The following NFAT5 variants were observed in gnomAD, a reference collection of about 807,000 sequenced individuals.
NFAT5 encodes nuclear factor of activated T-cells 5.
In NFAT5, 31 loss-of-function variants were observed where a neutral mutation model predicts 166.5. The ratio of observed to expected loss-of-function variants is 0.19; its 90% CI spans 0.14 to 0.25. The LOEUF (loss-of-function observed/expected upper bound fraction) is 0.25. NFAT5 is among the 10% of genes least tolerant of loss of function. The probability of loss-of-function intolerance (pLI) is 1.00; values close to 1 mark genes in which losing one functional copy is unlikely to be tolerated. For synonymous variants in NFAT5, 612 were observed against 639.7 expected (o/e 0.96, Z 0.65); for missense variants, 1,449 against 1,821.8 (o/e 0.80, Z 3.72).
chr16:69,685,060 C>A, intron 11 of NFAT5, 90 bp downstream of exon 11: 3 of 709,174 alleles, frequency 4.2e-6, no homozygotes, highest in Non-Finnish European at 7.1e-6. Context: ...CTCTTAGGTA[C>A]TTATAATACT....
intron 7 of NFAT5, among the ~76,000 whole-genome samples, chr16:69,664,163 A>C (rs2036262714): frequency 6.6e-6 from 1 of 152,222 alleles, no homozygotes; most frequent in South Asian, 2.1e-4. Flanking sequence ...TTTATACTCT[A>C]AAATATTCTG....
intron 3 of NFAT5, among the ~76,000 whole-genome samples, chr16:69,633,506 A>T (rs1246300926): frequency 1.3e-5 from 2 of 152,232 alleles, no homozygotes; most frequent in African/African-American, 4.8e-5. Context: ...AGCCATAAAA[A>T]AGAATGTAAT....
chr16:69,660,327 G>C (rs1349542624), intron 7 of NFAT5, among the ~76,000 whole-genome samples: 2 of 152,184 alleles, frequency 1.3e-5, no homozygotes, highest in Admixed American at 6.5e-5. Flanking sequence ...TACTCAGGAA[G>C]GTGAGGCAAG....
rs1175052423 is a variant in NFAT5 at position 69,677,051 on chromosome 16, A to G, written c.1558-152A>G. 5 of 681,200 alleles carry G rather than the reference A, an allele frequency of 7.3e-6. No homozygotes were observed. In the East Asian group the frequency reaches 1.2e-4, roughly 16 times the overall value. 42.2% of individuals were successfully genotyped at this position (681,200 alleles called of 1,614,324 possible). A position where few individuals can be genotyped will look rare whatever the true frequency, so the allele number is the denominator to read the frequency against. The stretch of plus-strand genomic sequence containing the variant: ...CCTTAAAAGCAGTGTTAAGATTAAT[A>G]TCCTGATGCCTGTGAACCTGAGCTT... On this transcript the variant is annotated intron_variant, in intron 9 of 14. Transcript: ENST00000349945.
At chr16:69,681,576 C>T (rs1477918627) in intron 10 of NFAT5, among the ~76,000 whole-genome samples, 1 of 152,100 alleles carries the variant, frequency 6.6e-6, no homozygotes. Context: ...AGTGTTTCCA[C>T]CTAATATGCC....
Position 69,566,242 on chromosome 16 carries a change from C to T in NFAT5, c.-60C>T. 2 of 1,503,556 alleles carry T rather than the reference C, an allele frequency of 1.3e-6. No individual in the cohort carries two copies. Among genetic ancestry groups the T allele is most frequent in the Non-Finnish European group, 1.8e-6 (2 of 1,104,034 alleles). The allele number at this position is 1,503,556 out of a possible 1,614,324, so 93.1% of individuals were successfully genotyped here. A position where few individuals can be genotyped will look rare whatever the true frequency, so the allele number is the denominator to read the frequency against. ...TGCCCGCGGTCCCGGAGAGGAGGTG[C>T]CGCCGCCACCGCCGCTCCCCCCCTC... On this transcript the variant is annotated 5_prime_UTR_variant, in exon 1 of 15. Transcript: ENST00000349945. The surrounding 1 kb of genome is among the most constrained non-coding windows in gnomAD (Gnocchi z 5.7).
intron 2 of NFAT5, among the ~76,000 whole-genome samples, chr16:69,590,180 T>C (rs2032373713): frequency 6.6e-6 from 1 of 151,926 alleles, no homozygotes; most frequent in Admixed American, 6.6e-5. Flanking sequence ...TCTCAAATAA[T>C]AAAAAAATAA....
chr16:69,684,884 TAGC>T lies in NFAT5; in HGVS notation c.1695_1697del (p.Ala566del). On this transcript the variant is annotated splice_acceptor_variant and coding_sequence_variant, in exon 11 of 15. Transcript: ENST00000349945. LOFTEE classifies it high-confidence loss of function. ...ATAAATACATTAATCTTTTTTTTAA[TAGC>T]AGCAGCTGGTGCTTTGAATGTAAAT... 1 of 1,593,184 alleles carries T rather than the reference TAGC, an allele frequency of 6.3e-7. No homozygotes were observed. Among genetic ancestry groups the T allele is most frequent in the South Asian group, 1.1e-5 (1 of 87,328 alleles).
chr16:69,633,589 A>G (rs2034813436), intron 3 of NFAT5, among the ~76,000 whole-genome samples: 1 of 152,232 alleles, frequency 6.6e-6, no homozygotes, highest in East Asian at 1.9e-4. Flanking sequence ...AAAGTTAAAC[A>G]CTGCATGTTC....
At position 69,625,342 on chromosome 16, in the gene NFAT5, G is replaced by A. The variant is rs554134075; in HGVS notation, c.128-1061G>A. 7.9e-5 allele frequency among the ~76,000 whole-genome samples: 12 copies of A among 151,552 alleles called. No homozygotes were observed. In the South Asian group the frequency reaches 2.5e-3, roughly 31 times the overall value. ...ATATTTTAATATATATAATTTTATG[G>A]GCAATTATAGTATTACAAAATATTT... On this transcript the variant is annotated intron_variant, in intron 2 of 14. Transcript: ENST00000349945.
chr16:69,655,862 G>C, intron 6 of NFAT5, 63 bp downstream of exon 6: 2 of 1,236,222 alleles, frequency 1.6e-6, no homozygotes, highest in Admixed American at 2.4e-5. Flanking sequence ...GAATTGTTCA[G>C]TTTCTAATGT....
In NFAT5 at chr16:69,703,699, T is replaced by C. The variant is rs1484123351; in HGVS notation, c.*7348T>C. ...CTCTACAAATTTTGGTGCTGGCAAATACATAGGCAAACTGTTGGGAGCTGC... is the reference window on the plus strand; with the variant it reads ...CTCTACAAATTTTGGTGCTGGCAAACACATAGGCAAACTGTTGGGAGCTGC... On this transcript the variant is annotated 3_prime_UTR_variant, in exon 15 of 15. Transcript: ENST00000349945. The C allele has an allele frequency of 1.3e-5, 2 of 152,616 alleles. No homozygotes were observed. Among genetic ancestry groups the C allele is most frequent in the Non-Finnish European group, 2.9e-5 (2 of 68,020 alleles). The allele number at this position is 152,616 out of a possible 1,614,324, so 9.5% of individuals were successfully genotyped here.
At chr16:69,579,789 A>G (rs1204115097) in intron 2 of NFAT5, among the ~76,000 whole-genome samples, 1 of 152,244 alleles carries the variant, frequency 6.6e-6, no homozygotes, top group East Asian at 1.9e-4. Context: ...TGTAAATAAA[A>G]ACCCAGTTCA....
At chr16:69,595,298 G>A (rs531708058) in intron 2 of NFAT5, among the ~76,000 whole-genome samples, 1 of 152,112 alleles carries the variant, frequency 6.6e-6, no homozygotes, top group Non-Finnish European at 1.5e-5. Context: ...ATACAGTGCC[G>A]ATGTGATGAT....
At chr16:69,661,102 T>TA (rs2036112821) in intron 7 of NFAT5, among the ~76,000 whole-genome samples, 1 of 145,214 alleles carries the variant, frequency 6.9e-6, no homozygotes, top group Non-Finnish European at 1.5e-5. Context: ...TTTTTTTTGT[T>TA]AGATTGTGGC....
At chr16:69,568,136 A>G (rs2016187709) in intron 1 of NFAT5, among the ~76,000 whole-genome samples, 1 of 152,046 alleles carries the variant, frequency 6.6e-6, no homozygotes, top group South Asian at 2.1e-4. Flanking sequence ...AATTTGGAGA[A>G]ACCCCGTCAC....
chr16:69,622,138 A>C (rs1226866257), intron 2 of NFAT5, among the ~76,000 whole-genome samples: 1 of 152,146 alleles, frequency 6.6e-6, no homozygotes, highest in African/African-American at 2.4e-5. Context: ...TGGGAAGCAG[A>C]TTTAGGAGAA....
chr16:69,682,646 TAACTC>T (rs1316669672), intron 10 of NFAT5, among the ~76,000 whole-genome samples: 2 of 152,086 alleles, frequency 1.3e-5, no homozygotes, highest in African/African-American at 4.8e-5. Context: ...AATTTAAAAA[TAACTC>T]ATAACATGAT....
intron 7 of NFAT5, among the ~76,000 whole-genome samples, chr16:69,667,383 A>G (rs2036436859): frequency 6.6e-6 from 1 of 152,036 alleles, no homozygotes; most frequent in African/African-American, 2.4e-5. Flanking sequence ...ACAAAACTGT[A>G]TAATATGTGG....
Sources: gnomAD v4.1 joint callset for allele counts (sites outside exome capture counted in the v4.1 genomes callset) on GRCh38, gnomAD v4.1.1 for gene constraint, Gnocchi (gnomAD v3.1) non-coding constraint, MANE v1.5 for transcripts, NCBI Gene and HGNC (gene_info 2026-07-23, HGNC 2026-07-21) for gene names.